ROBO1: variants seen among roughly 807,000 people sequenced by gnomAD.
The protein encoded by ROBO1 is roundabout homolog 1.
Under a neutral mutation model 195.9 loss-of-function variants are expected in ROBO1, and 149 were observed. The observed-to-expected ratio is 0.76, with a 90% CI of 0.67 to 0.87. The LOEUF is 0.87. Among genes scored for constraint, ROBO1 ranks in the 40% least tolerant of loss-of-function variants. The pLI is 0.00. For synonymous variants in ROBO1, 816 were observed against 733.2 expected (o/e 1.11, Z -1.82); for missense variants, 1,933 against 2,068.3 (o/e 0.93, Z 1.27).
chr3:79,107,603 A>G (rs1175158883), intron 3 of ROBO1, among the ~76,000 whole-genome samples: 1 of 151,702 alleles, frequency 6.6e-6, no homozygotes, highest in Middle Eastern at 3.2e-3. Context: ...GACTGCTTGC[A>G]TATTAAAATG....
chr3:78,960,779 A>AAC (rs751349324), intron 3 of ROBO1, among the ~76,000 whole-genome samples: 1,481 of 124,550 alleles, frequency 0.012, 12 homozygotes, highest in Middle Eastern at 0.016. Flanking sequence ...TCCGTATTAA[A>AAC]ACACACACAC....
chr3:78,808,149 T>C (rs2084608318), intron 4 of ROBO1, among the ~76,000 whole-genome samples: 1 of 152,216 alleles, frequency 6.6e-6, no homozygotes, highest in South Asian at 2.1e-4. Context: ...CTCCTTTTCC[T>C]AACCAACAAC....
At chr3:78,791,600 A>T (rs1185135332) in intron 4 of ROBO1, among the ~76,000 whole-genome samples, 4 of 152,168 alleles carry the variant, frequency 2.6e-5, no homozygotes, top group Non-Finnish European at 5.9e-5. Flanking sequence ...AAAGAGACTG[A>T]AATTTTTATG....
intron 2 of ROBO1, among the ~76,000 whole-genome samples, chr3:79,141,290 C>T (rs2080519394): frequency 6.6e-6 from 1 of 152,088 alleles, no homozygotes; most frequent in African/African-American, 2.4e-5. Context: ...TTAAAGGCAC[C>T]TCTAAGGTTG....
chr3:79,443,808 G>A (rs542903233), intron 2 of ROBO1, among the ~76,000 whole-genome samples: 1 of 151,788 alleles, frequency 6.6e-6, no homozygotes, highest in Non-Finnish European at 1.5e-5. Context: ...CAGAAAAACT[G>A]ACCTATAGAA....
At chr3:78,711,396 T>C (rs1452863482) in intron 8 of ROBO1, among the ~76,000 whole-genome samples, 1 of 50,636 alleles carries the variant, frequency 2.0e-5, no homozygotes, top group African/African-American at 8.1e-5. Flanking sequence ...CCTTCCTTCC[T>C]TCCTTTCTTT....
Position 79,692,022 on chromosome 3 carries a change from A to G in ROBO1, c.-51+75730T>C, listed in dbSNP as rs73849816. Among the ~76,000 whole-genome samples the G allele has an allele frequency of 9.8e-3, 1,482 of 151,994 alleles. 20 individuals carry two copies. Among genetic ancestry groups the G allele is most frequent in the African/African-American group, 0.034 (1,423 of 41,522 alleles). On this transcript the variant is annotated intron_variant, in intron 1 of 30. Transcript: ENST00000464233. Reference sequence around the variant, plus strand: ...AATTTTTATAGAGGAAGTACAAGGTATATTTTTTAAAGTCAGAGAAAACCT... The same window carrying G: ...AATTTTTATAGAGGAAGTACAAGGTGTATTTTTTAAAGTCAGAGAAAACCT...
intron 1 of ROBO1, among the ~76,000 whole-genome samples, chr3:79,656,791 AGAGACTGAGGTGGGAGG>A (rs1946177823): frequency 6.6e-6 from 1 of 151,890 alleles, no homozygotes; most frequent in African/African-American, 2.4e-5. Context: ...CAGCTACTCA[AGAGACTGAGGTGGGAGG>A]TTCACTTGAG....
chr3:78,652,160 T>TA (rs1706705096), intron 18 of ROBO1, among the ~76,000 whole-genome samples: 2 of 152,196 alleles, frequency 1.3e-5, no homozygotes, highest in Admixed American at 6.5e-5. Flanking sequence ...GAATCATGCT[T>TA]AAAAACAAAA....
chr3:79,251,770 A>C lies in ROBO1; in HGVS notation c.89-126231T>G, dbSNP rs140495187. On this transcript the variant is annotated intron_variant, in intron 2 of 30. Transcript: ENST00000464233. The stretch of plus-strand genomic sequence containing the variant: ...GCCTCAAACAAACAAAAGCAAACAA[A>C]AAACAAACAAACAAACAACCAAAAC... 4.7e-3 allele frequency among the ~76,000 whole-genome samples: 709 copies of C among 151,958 alleles called. 5 individuals are homozygous for C. Among genetic ancestry groups the C allele is most frequent in the African/African-American group, 0.016 (679 of 41,450 alleles).
chr3:78,709,894 A>G (rs974634744), intron 8 of ROBO1, among the ~76,000 whole-genome samples: 1 of 152,204 alleles, frequency 6.6e-6, no homozygotes, highest in African/African-American at 2.4e-5. Context: ...TTCCATTTCA[A>G]TAACACTCCA....
chr3:79,277,684 CTG>C (rs759311928), intron 2 of ROBO1, among the ~76,000 whole-genome samples: 3 of 151,760 alleles, frequency 2.0e-5, no homozygotes, highest in Non-Finnish European at 4.4e-5. Flanking sequence ...CCCATTTACT[CTG>C]AAGTGAATAT....
intron 2 of ROBO1, among the ~76,000 whole-genome samples, chr3:79,530,540 G>A (rs991817347): frequency 9.2e-5 from 14 of 151,860 alleles, no homozygotes; most frequent in Admixed American, 5.9e-4. Context: ...CTTGATCTTC[G>A]CATTCCATAT....
chr3:79,587,030 C>T (rs1240297531), intron 2 of ROBO1, among the ~76,000 whole-genome samples: 1 of 151,798 alleles, frequency 6.6e-6, no homozygotes, highest in Non-Finnish European at 1.5e-5. Flanking sequence ...GCTGGCAAAG[C>T]CCAGTTATTC....
At chr3:79,756,459 G>T (rs1704403588) in intron 1 of ROBO1, among the ~76,000 whole-genome samples, 1 of 149,752 alleles carries the variant, frequency 6.7e-6, no homozygotes, top group South Asian at 2.1e-4. Context: ...GGAGGCAGGA[G>T]AATTGCTTGA....
intron 2 of ROBO1, among the ~76,000 whole-genome samples, chr3:79,214,830 T>A (rs570105947): frequency 0.016 from 2,216 of 142,642 alleles, 50 homozygotes; most frequent in African/African-American, 0.055. Context: ...ATATATATTT[T>A]TTTTTTTTTT....
chr3:78,729,044 G>A (rs1392630963), intron 5 of ROBO1, among the ~76,000 whole-genome samples: 1 of 152,196 alleles, frequency 6.6e-6, no homozygotes, highest in Non-Finnish European at 1.5e-5. Flanking sequence ...TGCACAGCTT[G>A]GTGAGCTGCC....
intron 2 of ROBO1, among the ~76,000 whole-genome samples, chr3:79,196,131 G>A (rs114453690): frequency 6.6e-6 from 1 of 151,628 alleles, no homozygotes; most frequent in African/African-American, 2.4e-5. Context: ...AGCAATAATG[G>A]TATAAGCCAG....
chr3:79,042,137 T>C (rs542887100), intron 3 of ROBO1, among the ~76,000 whole-genome samples: 2 of 152,304 alleles, frequency 1.3e-5, no homozygotes, highest in Non-Finnish European at 2.9e-5. Context: ...AAGCATCAGA[T>C]ATACACATAC....
Sources: gnomAD v4.1 joint callset for allele counts (sites outside exome capture counted in the v4.1 genomes callset) on GRCh38, gnomAD v4.1.1 for gene constraint, MANE v1.5 for transcripts, NCBI Gene and HGNC (gene_info 2026-07-23, HGNC 2026-07-21) for gene names.